The following ZNF804B variants were observed in gnomAD, a reference collection of about 807,000 sequenced individuals.
ZNF804B encodes zinc finger protein 804B.
A neutral mutation model predicts 101.4 loss-of-function variants in ZNF804B; 80 were observed. The ratio of observed to expected loss-of-function variants is 0.79; its 90% CI spans 0.66 to 0.95. The LOEUF is 0.95. Ranked by LOEUF, ZNF804B falls within the 40% of genes least tolerant of loss-of-function variation. The pLI, the probability that ZNF804B is intolerant of heterozygous loss-of-function variation, is 0.00. For missense variants in ZNF804B, 1,673 were observed against 1,561.9 expected (o/e 1.07, Z -1.20); for synonymous variants, 622 against 558.8 (o/e 1.11, Z -1.59).
chr7:89,165,389 A>G (rs1016032077), intron 1 of ZNF804B, among the ~76,000 whole-genome samples: 4 of 152,072 alleles, frequency 2.6e-5, no homozygotes, highest in African/African-American at 9.7e-5. Flanking sequence ...GGTTAAATTG[A>G]ATTGATGAAT....
chr7:89,234,510 G>C (rs1032519988), intron 2 of ZNF804B, among the ~76,000 whole-genome samples: 1 of 152,134 alleles, frequency 6.6e-6, no homozygotes, highest in African/African-American at 2.4e-5. Flanking sequence ...AGTATGACTG[G>C]CTAGAGGGAT....
In ZNF804B at chr7:89,171,986, T is replaced by TA. The variant is rs1401541045; in HGVS notation, c.109-46168dup. 2.0e-5 allele frequency among the ~76,000 whole-genome samples: 3 copies of TA among 148,886 alleles called. No homozygotes were observed. The Admixed American group carries it at 2.1e-4, about 10-fold the overall frequency. Reference sequence around the variant, plus strand: ...TATTTGAAATATAGTCCCTGACACTTACAGAAATTGACTTGTTGTATAATT... The same window carrying TA: ...TATTTGAAATATAGTCCCTGACACTTAACAGAAATTGACTTGTTGTATAATT... On this transcript the variant is annotated intron_variant, in intron 1 of 3. Coordinates refer to ENST00000333190, the MANE Select transcript of ZNF804B (RefSeq NM_181646.5).
intron 2 of ZNF804B, among the ~76,000 whole-genome samples, chr7:89,276,341 T>C (rs994585011): frequency 6.6e-5 from 10 of 151,806 alleles, no homozygotes; most frequent in Non-Finnish European, 4.4e-5. Flanking sequence ...AATTACTCCA[T>C]GTGCAGTTAT....
At chr7:88,854,527 T>TTTCCTTCCCTTCCCTTCCTTCC (rs1791520224) in intron 1 of ZNF804B, among the ~76,000 whole-genome samples, 4 of 40,076 alleles carry the variant, frequency 1.0e-4, no homozygotes, top group African/African-American at 4.2e-4. Flanking sequence ...CTTTCCTTCC[T>TTTCCTTCCCTTCCCTTCCTTCC]TTCCTTCCTT....
chr7:89,122,710 T>C (rs1262356137), intron 1 of ZNF804B, among the ~76,000 whole-genome samples: 5 of 152,184 alleles, frequency 3.3e-5, no homozygotes, highest in African/African-American at 1.2e-4. Flanking sequence ...TTGTTCTACT[T>C]CCTCAGAGGA....
chr7:88,900,868 C>T (rs377597215), intron 1 of ZNF804B, among the ~76,000 whole-genome samples: 2 of 151,302 alleles, frequency 1.3e-5, no homozygotes, highest in East Asian at 3.9e-4. Flanking sequence ...TACAGAATTG[C>T]TCTGCTTGTT....
At chr7:88,933,418 A>G (rs895347126) in intron 1 of ZNF804B, among the ~76,000 whole-genome samples, 2 of 151,986 alleles carry the variant, frequency 1.3e-5, no homozygotes, top group Non-Finnish European at 2.9e-5. Flanking sequence ...TATTGAACCT[A>G]GTACTGGAAG....
At chr7:88,848,614 G>A (rs1791408557) in intron 1 of ZNF804B, among the ~76,000 whole-genome samples, 1 of 148,670 alleles carries the variant, frequency 6.7e-6, no homozygotes, top group South Asian at 2.1e-4. Context: ...ATATGAAAAT[G>A]CATTTTCTTT....
At position 89,335,061 on chromosome 7, in the gene ZNF804B, C is replaced by A; in HGVS notation, c.2079C>A (p.Asn693Lys). Residue 693 changes from asparagine (N) to lysine (K), a missense_variant, in exon 4 of 4, where the codon AAC (asparagine) becomes AAA (lysine). Asn to Lys is a moderately conservative substitution (Grantham distance 94, BLOSUM62 0). Transcript: ENST00000333190. ...SMTSKVSGCG[N>K]QRYKRYSPQS... ...CCAGCAAGGTTTCCGGATGTGGAAA[C>A]CAAAGATACAAGAGATACTCTCCAC... The A allele has an allele frequency of 6.2e-7, 1 of 1,613,796 alleles. No individual in the cohort carries two copies. The highest frequency in any genetic ancestry group is 1.1e-5 in the South Asian group (1 of 91,074).
At chr7:88,835,128 AT>A (rs1791192758) in intron 1 of ZNF804B, among the ~76,000 whole-genome samples, 1 of 151,804 alleles carries the variant, frequency 6.6e-6, no homozygotes, top group African/African-American at 2.4e-5. Context: ...TAATATTAAC[AT>A]TTTTTAGTGG....
chr7:88,874,941 G>C (rs1791903786), intron 1 of ZNF804B, among the ~76,000 whole-genome samples: 1 of 140,328 alleles, frequency 7.1e-6, no homozygotes, highest in Non-Finnish European at 1.5e-5. Context: ...TAAAAGAACA[G>C]AAATTATAAC....
At chr7:89,001,075 T>C (rs989331037) in intron 1 of ZNF804B, among the ~76,000 whole-genome samples, 1 of 147,736 alleles carries the variant, frequency 6.8e-6, no homozygotes, top group African/African-American at 2.5e-5. Context: ...TGGAATGATG[T>C]TGGTCAAAGA....
chr7:89,000,886 C>A (rs1044703543), intron 1 of ZNF804B, among the ~76,000 whole-genome samples: 4 of 147,778 alleles, frequency 2.7e-5, no homozygotes, highest in South Asian at 2.1e-4. Context: ...ATATTATATG[C>A]CACAATATAT....
At chr7:89,272,633 T>A (rs1789915846) in intron 2 of ZNF804B, among the ~76,000 whole-genome samples, 1 of 152,150 alleles carries the variant, frequency 6.6e-6, no homozygotes, top group South Asian at 2.1e-4. Context: ...TACCCCTTTA[T>A]GTTCCTGTCA....
Position 89,115,131 on chromosome 7 carries a change from G to A in ZNF804B, c.109-103024G>A, listed in dbSNP as rs182885453. 9.2e-5 allele frequency among the ~76,000 whole-genome samples: 14 copies of A among 152,086 alleles called. 1 individual carries two copies. The East Asian group carries it at 2.1e-3, about 23-fold the overall frequency. ...ATAGAGGGATAGAAGAGGGAATCAAGGTCAAGCACATTTATGATTGGCAAA... is the reference window on the plus strand; with the variant it reads ...ATAGAGGGATAGAAGAGGGAATCAAAGTCAAGCACATTTATGATTGGCAAA... On this transcript the variant is annotated intron_variant, in intron 1 of 3. Coordinates refer to ENST00000333190, the MANE Select transcript of ZNF804B (RefSeq NM_181646.5).
chr7:88,940,426 A>G (rs567319834), intron 1 of ZNF804B, among the ~76,000 whole-genome samples: 12 of 152,140 alleles, frequency 7.9e-5, no homozygotes, highest in African/African-American at 2.9e-4. Context: ...AGTTAACCTT[A>G]ATAAATAATA....
At chr7:89,137,649 G>T (rs956491142) in intron 1 of ZNF804B, among the ~76,000 whole-genome samples, 6 of 152,088 alleles carry the variant, frequency 3.9e-5, no homozygotes, top group Non-Finnish European at 8.8e-5. Context: ...TTTTAAAAGG[G>T]TAACAGAGCA....
rs1410083965 is a variant in ZNF804B, at chr7:88,854,401, T to TCC, written c.108+94317_108+94318insCC. ...TTCTGTACTGCATTTCTTTCTTTCT[T>TCC]TCTTTCTTTCTTCCTTTCTTTCTTT... On this transcript the variant is annotated intron_variant, in intron 1 of 3. Transcript: ENST00000333190. 4.8e-5 allele frequency among the ~76,000 whole-genome samples: 7 copies of TCC among 146,982 alleles called. 1 individual carries two copies. The highest frequency in any genetic ancestry group is 1.9e-4 in the African/African-American group (7 of 37,718).
intron 1 of ZNF804B, among the ~76,000 whole-genome samples, chr7:88,870,801 TAAAC>T (rs1234550647): frequency 6.6e-6 from 1 of 152,282 alleles, no homozygotes; most frequent in Non-Finnish European, 1.5e-5. Flanking sequence ...ATTGCCTAGA[TAAAC>T]AAAATATTCT....
Sources: gnomAD v4.1 joint callset for allele counts (sites outside exome capture counted in the v4.1 genomes callset) on GRCh38, gnomAD v4.1.1 for gene constraint, MANE v1.5 for transcripts, NCBI Gene and HGNC (gene_info 2026-07-23, HGNC 2026-07-21) for gene names.